INSL6: variants seen among roughly 807,000 people sequenced by gnomAD.
INSL6 encodes the protein insulin like 6.
A neutral mutation model predicts 9.4 loss-of-function variants in INSL6; 16 were observed. The observed-to-expected ratio is 1.70, with a 90% CI of 1.15 to 2.59. The LOEUF (loss-of-function observed/expected upper bound fraction) is 2.59, where lower values mean the gene tolerates loss of function less well. Among genes scored for constraint, INSL6 ranks in the 30% most tolerant of loss-of-function variants. The probability of loss-of-function intolerance (pLI) is 0.00; values close to 1 mark genes in which losing one functional copy is unlikely to be tolerated. For missense variants in INSL6, 391 were observed against 257.3 expected (o/e 1.52, Z -3.56); for synonymous variants, 154 against 96.9 (o/e 1.59, Z -3.46).
the INSL6 span, among the ~76,000 whole-genome samples, chr9:5,025,582 G>T: frequency 6.8e-6 from 1 of 147,646 alleles, no homozygotes; most frequent in African/African-American, 2.5e-5. Context: ...TGCCCAGGCT[G>T]GAGTGCAGCA....
chr9:5,081,816 A>G, the INSL6 span: 2 of 1,613,798 alleles, frequency 1.2e-6, no homozygotes, highest in Non-Finnish European at 1.7e-6. Flanking sequence ...GGGATCCTAC[A>G]CAGTTTGAAG....
intron 2 of INSL6, among the ~76,000 whole-genome samples, chr9:5,137,539 C>T (rs576928590): frequency 1.2e-3 from 175 of 152,132 alleles, no homozygotes; most frequent in Non-Finnish European, 2.0e-3. Context: ...TAGCCATATG[C>T]AGAAAGCTGA....
At chr9:5,019,391 T>C in the INSL6 span, among the ~76,000 whole-genome samples, 4 of 152,144 alleles carry the variant, frequency 2.6e-5, no homozygotes, top group Admixed American at 6.5e-5. Context: ...TCTTTTTAAA[T>C]GATATCTCTC....
At chr9:5,080,503 T>G in the INSL6 span, 1 of 1,563,950 alleles carries the variant, frequency 6.4e-7, no homozygotes. Context: ...TTACACAATT[T>G]ATTCTCAGTT....
the INSL6 span, chr9:5,066,887 T>G: frequency 2.1e-6 from 1 of 485,450 alleles, no homozygotes; most frequent in African/African-American, 2.0e-5. Context: ...TACTGAGAAT[T>G]ATAGCTTTGG....
At chr9:5,087,759 A>C in the INSL6 span, among the ~76,000 whole-genome samples, 1 of 151,874 alleles carries the variant, frequency 6.6e-6, no homozygotes, top group Non-Finnish European at 1.5e-5. Context: ...AGTGTGTATC[A>C]AGTCCCTTTG....
the INSL6 span, chr9:5,111,148 C>G: frequency 2.9e-3 from 2,627 of 907,764 alleles, 7 homozygotes; most frequent in Non-Finnish European, 3.9e-3. Flanking sequence ...CGAAGGCGCT[C>G]AACTTGCTGA....
chr9:5,159,155 C>A (rs905682755), downstream of INSL6, among the ~76,000 whole-genome samples: 4 of 151,810 alleles, frequency 2.6e-5, no homozygotes, highest in African/African-American at 9.7e-5. Context: ...CACAAAAAAT[C>A]AAAAAGCAAG....
chr9:5,106,925 A>C, the INSL6 span, among the ~76,000 whole-genome samples: 1 of 152,158 alleles, frequency 6.6e-6, no homozygotes, highest in African/African-American at 2.4e-5. Flanking sequence ...AGAAATACCT[A>C]ATGTAAATGA....
At chr9:5,027,700 G>A in the INSL6 span, among the ~76,000 whole-genome samples, 1 of 152,202 alleles carries the variant, frequency 6.6e-6, no homozygotes, top group Non-Finnish European at 1.5e-5. Context: ...TTAAGTTGAT[G>A]TAGTATTATA....
At chr9:5,144,880 T>A (rs1279543521) in intron 2 of INSL6, among the ~76,000 whole-genome samples, 2 of 152,230 alleles carry the variant, frequency 1.3e-5, no homozygotes, top group African/African-American at 4.8e-5. Context: ...GAGATGGGTC[T>A]CTTGAAGATA....
intron 1 of INSL6, among the ~76,000 whole-genome samples, chr9:5,179,331 T>C (rs1200099145): frequency 6.6e-6 from 1 of 152,204 alleles, no homozygotes; most frequent in Non-Finnish European, 1.5e-5. Flanking sequence ...CCAGTCAGAA[T>C]GGCTATTATT....
At chr9:5,038,601 T>A in the INSL6 span, among the ~76,000 whole-genome samples, 2,092 of 149,474 alleles carry the variant, frequency 0.014, 29 homozygotes, top group East Asian at 0.071. Context: ...TTTAGATTTT[T>A]TTTTTTTTTT....
the INSL6 span, among the ~76,000 whole-genome samples, chr9:5,054,154 G>A: frequency 1.3e-5 from 2 of 152,012 alleles, no homozygotes; most frequent in African/African-American, 4.8e-5. The surrounding 1 kb of genome is among the most constrained non-coding windows in gnomAD (Gnocchi z 4.9). Flanking sequence ...CAAAATTCAG[G>A]TAAATGTTGG....
At chr9:5,021,639 A>C in the INSL6 span, among the ~76,000 whole-genome samples, 1 of 152,024 alleles carries the variant, frequency 6.6e-6, no homozygotes, top group South Asian at 2.1e-4. Context: ...TTATGTATTC[A>C]TTTTTGAGAC....
At chr9:5,065,627 C>T in the INSL6 span, among the ~76,000 whole-genome samples, 1 of 152,168 alleles carries the variant, frequency 6.6e-6, no homozygotes, top group East Asian at 1.9e-4. Flanking sequence ...ATTTAAATAG[C>T]TACATGTGGC....
chr9:5,182,346 A>G (rs1158508627), intron 1 of INSL6, among the ~76,000 whole-genome samples: 2 of 152,162 alleles, frequency 1.3e-5, no homozygotes, highest in Non-Finnish European at 2.9e-5. Flanking sequence ...AAAAACTTAT[A>G]AAAACAAAAA....
the INSL6 span, among the ~76,000 whole-genome samples, chr9:5,056,018 T>C: frequency 6.6e-6 from 1 of 152,058 alleles, no homozygotes; most frequent in Non-Finnish European, 1.5e-5. Context: ...TTTTTACTCA[T>C]TTTTATGATT....
At chr9:5,132,063 AGGT>A (rs1824303102) in intron 3 of INSL6, 1 of 152,178 alleles carries the variant, frequency 6.6e-6, no homozygotes, top group South Asian at 2.1e-4. Context: ...ATAGGAGTAA[AGGT>A]TGTTGTTGAC....
Sources: allele counts gnomAD v4.1 joint callset (sites outside exome capture counted in the v4.1 genomes callset), GRCh38; gene constraint gnomAD v4.1.1; non-coding constraint Gnocchi (gnomAD v3.1); transcripts MANE v1.5; gene names NCBI Gene and HGNC (gene_info 2026-07-23, HGNC 2026-07-21).